The following MLXIPL variants were observed in gnomAD, a reference collection of about 807,000 sequenced individuals.
The protein encoded by MLXIPL is carbohydrate-responsive element-binding protein.
In MLXIPL, 49 loss-of-function variants were observed where a neutral mutation model predicts 81.5. The observed-to-expected ratio is 0.60, with a 90% CI of 0.48 to 0.76. MLXIPL has a LOEUF of 0.76. Ranked by LOEUF, MLXIPL falls within the 30% of genes least tolerant of loss-of-function variation. The pLI, the probability that MLXIPL is intolerant of heterozygous loss-of-function variation, is 0.00. For synonymous variants in MLXIPL, 466 were observed against 485.5 expected (o/e 0.96, Z 0.53); for missense variants, 1,053 against 1,167.0 (o/e 0.90, Z 1.42).
At chr7:73,628,172 C>T (rs1796782340), upstream of MLXIPL, among the ~76,000 whole-genome samples, 1 of 152,074 alleles carries the variant, frequency 6.6e-6, no homozygotes, top group Non-Finnish European at 1.5e-5. Flanking sequence ...CAAGTCTCTG[C>T]TGGCCGTGTC....
At chr7:73,594,846 CTTT>C (rs33938430) in intron 15 of MLXIPL, among the ~76,000 whole-genome samples, 1,941 of 106,674 alleles carry the variant, frequency 0.018, 47 homozygotes, top group African/African-American at 0.066. Flanking sequence ...TGTGCTCGGA[CTTT>C]TTTTTTTTTT....
the MLXIPL span, among the ~76,000 whole-genome samples, chr7:73,638,727 A>G: frequency 6.6e-6 from 1 of 152,044 alleles, no homozygotes; most frequent in Non-Finnish European, 1.5e-5. Flanking sequence ...GGTTCAAGCG[A>G]TTCTCCTGCC....
intron 2 of MLXIPL, 45 bp from the exon 3 acceptor site, chr7:73,607,717 C>G: frequency 1.3e-6 from 2 of 1,550,218 alleles, no homozygotes; most frequent in Non-Finnish European, 1.8e-6. Context: ...TTCCTCATCC[C>G]CCACCTCACC....
At position 73,596,075 on chromosome 7, in the gene MLXIPL, G is replaced by A; in HGVS notation, c.2058+78C>T. On this transcript the variant is annotated intron_variant, in intron 13 of 16. Coordinates refer to ENST00000313375, the MANE Select transcript of MLXIPL (RefSeq NM_032951.3). The surrounding 1 kb of genome is among the most constrained non-coding windows in gnomAD (Gnocchi z 4.7). ...GCAAGAGTGTCTGGAGCACTCCCCT[G>A]CAATTGAGTTTTGGGTGGGGGGGGT... The A allele has an allele frequency of 1.9e-6, 3 of 1,597,984 alleles. No homozygotes were observed. Among genetic ancestry groups the A allele is most frequent in the Non-Finnish European group, 2.6e-6 (3 of 1,174,924 alleles).
chr7:73,634,805 T>TTTTTTATTATTA, the MLXIPL span, among the ~76,000 whole-genome samples: 1 of 146,992 alleles, frequency 6.8e-6, no homozygotes, highest in Non-Finnish European at 1.5e-5. Context: ...TCTATATGTA[T>TTTTTTATTATTA]TTATTATTAT....
chr7:73,646,883 C>T, the MLXIPL span, among the ~76,000 whole-genome samples: 1 of 152,142 alleles, frequency 6.6e-6, no homozygotes, highest in African/African-American at 2.4e-5. Context: ...CCCTGACTTC[C>T]TGACTCAGCT....
rs1259620102 is a variant in MLXIPL at position 73,596,056 on chromosome 7, GTGTC to G, written c.2059-91_2059-88del. ...GGCACTGGGATGGGAGGAGGCAAGA[GTGTC>G]TGGAGCACTCCCCTGCAATTGAGTT... On this transcript the variant is annotated intron_variant, in intron 13 of 16. Transcript: ENST00000313375. The surrounding 1 kb of genome is among the most constrained non-coding windows in gnomAD (Gnocchi z 4.7). 1.2e-6 allele frequency: 2 copies of G among 1,600,018 alleles called. No individual in the cohort carries two copies. The highest frequency in any genetic ancestry group is 2.2e-5 in the East Asian group (1 of 44,644).
At position 73,597,321 on chromosome 7, in the gene MLXIPL, G is replaced by A. The variant is rs528177933; in HGVS notation, c.1464C>T (p.Phe488=). 3.6e-5 allele frequency: 55 copies of A among 1,545,720 alleles called. No homozygotes were observed. Among genetic ancestry groups the A allele is most frequent in the Non-Finnish European group, 4.6e-5 (53 of 1,145,862 alleles). Residue 488 remains phenylalanine, a synonymous_variant, in exon 9 of 17, where the codon TTC becomes TTT. Coordinates refer to ENST00000313375, the MANE Select transcript of MLXIPL (RefSeq NM_032951.3). ...CGGGGGGCTTGCCTCTGGGCATGGA[G>A]AAGCAAGGCCCAAAGGCAGGCTCCG... ...GYSEPAFGPC[F]SMPRGKPPAP... is the part of the protein sequence containing the mutation.
the MLXIPL span, among the ~76,000 whole-genome samples, chr7:73,630,174 C>T: frequency 5.3e-5 from 8 of 150,980 alleles, no homozygotes; most frequent in South Asian, 1.5e-3. Flanking sequence ...ATTTTTTGTA[C>T]TTTTAGTACA....
At chr7:73,604,413 CAT>C (rs1554597301) in intron 7 of MLXIPL, among the ~76,000 whole-genome samples, 1 of 150,480 alleles carries the variant, frequency 6.6e-6, no homozygotes, top group African/African-American at 2.4e-5. Flanking sequence ...CTCTTCAAAA[CAT>C]AAAAAAAATT....
chr7:73,597,492 G>T lies in MLXIPL; in HGVS notation c.1293C>A (p.Phe431Leu). The change falls in exon 9 of 17, where the codon TTC becomes TTA. Residue 431 changes from phenylalanine (F) to leucine (L), a missense_variant. Physicochemically the swap from Phe to Leu is conservative, Grantham distance 22. Coordinates refer to ENST00000313375, the MANE Select transcript of MLXIPL (RefSeq NM_032951.3). Reference protein sequence around the residue: ...PTALLQEEPLFSPRFPFPTVP... With the variant: ...PTALLQEEPLLSPRFPFPTVP... The stretch of plus-strand genomic sequence containing the variant: ...CGGTGGGGAAGGGAAACCTGGGAGA[G>T]AAGAGAGGCTCTTCCTGCAGCAAAG... 2 of 1,412,022 alleles carry T rather than the reference G, an allele frequency of 1.4e-6. No individual in the cohort carries two copies. Among genetic ancestry groups the T allele is most frequent in the Non-Finnish European group, 1.9e-6 (2 of 1,079,672 alleles). The allele number at this position is 1,412,022 out of a possible 1,614,324, so 87.5% of individuals were successfully genotyped here.
rs1216739343 is a variant in MLXIPL at position 73,606,786 on chromosome 7, A to T, written c.618+188T>A. On this transcript the variant is annotated intron_variant, in intron 5 of 16. Transcript: ENST00000313375. ...CTCAATGACCTGGGGTCTTCTCACC[A>T]CCTCACCCTCACCCCCCAAGAAGAG... 18 of 672,028 alleles carry T rather than the reference A, an allele frequency of 2.7e-5. No homozygotes were observed. In the African/African-American group the frequency reaches 2.9e-4, roughly 11 times the overall value. The allele number at this position is 672,028 out of a possible 1,614,324, so 41.6% of individuals were successfully genotyped here.
At chr7:73,632,082 T>C in the MLXIPL span, among the ~76,000 whole-genome samples, 1 of 151,928 alleles carries the variant, frequency 6.6e-6, no homozygotes, top group Non-Finnish European at 1.5e-5. Flanking sequence ...AGCCTCAAAT[T>C]CCTGGGCTCA....
At chr7:73,614,524 C>T (rs754591306) in intron 2 of MLXIPL, among the ~76,000 whole-genome samples, 1 of 152,316 alleles carries the variant, frequency 6.6e-6, no homozygotes, top group South Asian at 2.1e-4. Context: ...GAGAATACTG[C>T]GTGTGGTCTC....
intron 15 of MLXIPL, among the ~76,000 whole-genome samples, chr7:73,594,846 CTTTTT>C (rs33938430): frequency 9.4e-6 from 1 of 106,718 alleles, no homozygotes; most frequent in Admixed American, 1.0e-4. Context: ...TGTGCTCGGA[CTTTTT>C]TTTTTTTTTT....
Position 73,597,553 on chromosome 7 carries a change from G to C in MLXIPL, c.1232C>G (p.Pro411Arg). ...TGCCATGGGAGGGAAGGGAGGTGGG[G>C]GGCAGGGCTCCAGGCCTGGCACCTT... ...PAKVPGLEPC[P>R]PPPFPPMAPP... is the part of the protein sequence containing the mutation. The change falls in exon 9 of 17, where the codon CCC becomes CGC. Residue 411 changes from proline to arginine, a missense_variant. By Grantham distance (103) the Pro-to-Arg change is moderately radical. Coordinates refer to ENST00000313375, the MANE Select transcript of MLXIPL (RefSeq NM_032951.3). The C allele has an allele frequency of 7.3e-7, 1 of 1,367,032 alleles. No homozygotes were observed. Among genetic ancestry groups the C allele is most frequent in the South Asian group, 2.1e-5 (1 of 47,252 alleles). 84.7% of individuals were successfully genotyped at this position (1,367,032 alleles called of 1,614,324 possible).
At chr7:73,645,449 G>C in the MLXIPL span, among the ~76,000 whole-genome samples, 1 of 152,120 alleles carries the variant, frequency 6.6e-6, no homozygotes, top group South Asian at 2.1e-4. Flanking sequence ...ACTTCAAAGA[G>C]GAGAGACAGA....
chr7:73,636,809 C>A, the MLXIPL span, among the ~76,000 whole-genome samples: 2 of 152,156 alleles, frequency 1.3e-5, no homozygotes, highest in Non-Finnish European at 2.9e-5. Flanking sequence ...CGCCTATAAT[C>A]CCAGCACTTT....
At chr7:73,607,232 G>C in intron 4 of MLXIPL, 99 bp downstream of exon 4, 1 of 1,353,892 alleles carries the variant, frequency 7.4e-7, no homozygotes, top group Non-Finnish European at 1.0e-6. Flanking sequence ...GCGCAAGCTC[G>C]GGGGTCAGGA....
Sources: gnomAD v4.1 joint callset for allele counts (sites outside exome capture counted in the v4.1 genomes callset) on GRCh38, gnomAD v4.1.1 for gene constraint, Gnocchi (gnomAD v3.1) non-coding constraint, MANE v1.5 for transcripts, NCBI Gene and HGNC (gene_info 2026-07-23, HGNC 2026-07-21) for gene names.